The following ZFHX3 variants were observed in gnomAD, a reference collection of about 807,000 sequenced individuals.
ZFHX3 encodes zinc finger homeobox protein 3.
In ZFHX3, 42 loss-of-function variants were observed where a neutral mutation model predicts 279.1. The ratio of observed to expected loss-of-function variants is 0.15; its 90% CI spans 0.12 to 0.19. The LOEUF (loss-of-function observed/expected upper bound fraction) is 0.19, where lower values mean the gene tolerates loss of function less well. Among genes scored for constraint, ZFHX3 ranks in the 10% least tolerant of loss-of-function variants. The pLI, the probability that ZFHX3 is intolerant of heterozygous loss-of-function variation, is 1.00. For missense variants in ZFHX3, 4,981 were observed against 4,754.0 expected, an observed-to-expected ratio of 1.05 and a Z score of -1.40; for synonymous variants, 2,293 against 1,957.8, an observed-to-expected ratio of 1.17 and a Z score of -4.52.
intron 2 of ZFHX3, among the ~76,000 whole-genome samples, chr16:73,660,561 T>G (rs976904640): frequency 2.0e-5 from 3 of 152,232 alleles, no homozygotes; most frequent in Non-Finnish European, 4.4e-5. Context: ...CATTAAAGAT[T>G]TTTTTAAAAG....
chr16:73,384,551 C>A (rs2016866970), intron 3 of ZFHX3, among the ~76,000 whole-genome samples: 1 of 152,210 alleles, frequency 6.6e-6, no homozygotes, highest in Non-Finnish European at 1.5e-5. Flanking sequence ...AAGTACCAAT[C>A]CTGTACACAG....
intron 5 of ZFHX3, among the ~76,000 whole-genome samples, chr16:72,827,519 A>G (rs1280978918): frequency 6.6e-6 from 1 of 152,302 alleles, no homozygotes; most frequent in Non-Finnish European, 1.5e-5. Context: ...CAAAGGACAG[A>G]TGGCTCAGAA....
chr16:73,418,589 C>T (rs1489377786), intron 3 of ZFHX3, among the ~76,000 whole-genome samples: 3 of 152,250 alleles, frequency 2.0e-5, no homozygotes, highest in Non-Finnish European at 4.4e-5. Flanking sequence ...TGTCAGAATC[C>T]CACAGACAAC....
intron 4 of ZFHX3, among the ~76,000 whole-genome samples, chr16:72,847,452 C>A (rs1258346768): frequency 6.6e-6 from 1 of 152,086 alleles, no homozygotes; most frequent in Non-Finnish European, 1.5e-5. Context: ...TAGGACCAGC[C>A]ATCTCTTGGT....
chr16:73,327,563 C>T (rs1487671485), intron 3 of ZFHX3, among the ~76,000 whole-genome samples: 1 of 152,206 alleles, frequency 6.6e-6, no homozygotes, highest in Non-Finnish European at 1.5e-5. Flanking sequence ...AAAGGTGGCA[C>T]CTGGCAGATG....
intron 3 of ZFHX3, among the ~76,000 whole-genome samples, chr16:73,395,836 A>G (rs559020957): frequency 6.6e-6 from 1 of 152,216 alleles, no homozygotes; most frequent in African/African-American, 2.4e-5. Context: ...AATAGACCCT[A>G]ATTACTTACC....
chr16:73,016,602 C>G (rs1334170243), intron 1 of ZFHX3, among the ~76,000 whole-genome samples: 2 of 152,102 alleles, frequency 1.3e-5, no homozygotes, highest in African/African-American at 4.8e-5. Flanking sequence ...AATAAACCAA[C>G]CCCAGAAATA....
chr16:73,427,262 T>G (rs2017825964), intron 3 of ZFHX3, among the ~76,000 whole-genome samples: 1 of 152,130 alleles, frequency 6.6e-6, no homozygotes, highest in Non-Finnish European at 1.5e-5. Flanking sequence ...CTACCTATCA[T>G]TTGTGAGTGG....
At chr16:73,724,294 T>C (rs1397358005) in intron 1 of ZFHX3, among the ~76,000 whole-genome samples, 1 of 152,256 alleles carries the variant, frequency 6.6e-6, no homozygotes, top group Non-Finnish European at 1.5e-5. Flanking sequence ...TGGAGACTAC[T>C]AATGAATACA....
chr16:73,565,243 G>A (rs1393107959), intron 2 of ZFHX3, among the ~76,000 whole-genome samples: 10 of 150,138 alleles, frequency 6.7e-5, no homozygotes, highest in African/African-American at 2.5e-4. Context: ...AACAGAGCCA[G>A]ACCCCATCTC....
At chr16:73,689,675 G>A (rs1435248259) in intron 1 of ZFHX3, among the ~76,000 whole-genome samples, 1 of 152,156 alleles carries the variant, frequency 6.6e-6, no homozygotes, top group African/African-American at 2.4e-5. Context: ...GCAGTTCTAT[G>A]TTACAAGTCA....
At chr16:73,353,660 G>A (rs1233839191) in intron 3 of ZFHX3, among the ~76,000 whole-genome samples, 1 of 152,164 alleles carries the variant, frequency 6.6e-6, no homozygotes, top group African/African-American at 2.4e-5. Flanking sequence ...AGAGAGGAAA[G>A]TAGATGGAGA....
rs146477057 is a variant in ZFHX3, at chr16:73,610,269, T to C, written c.-1547+69911A>G. Among the ~76,000 whole-genome samples the C allele has an allele frequency of 5.8e-4, 89 of 152,310 alleles. 5 individuals are homozygous for C. The East Asian group carries it at 0.011, about 18-fold the overall frequency. ...AGCGGCCGGGCCTGATGGATTTATTTTCACTCCAGAATGAAAATCTGACGC... is the reference window on the plus strand; with the variant it reads ...AGCGGCCGGGCCTGATGGATTTATTCTCACTCCAGAATGAAAATCTGACGC... On this transcript the variant is annotated intron_variant, in intron 2 of 17. Transcript: ENST00000641206.
chr16:73,679,363 G>C (rs2142193248), intron 2 of ZFHX3: 1 of 152,254 alleles, frequency 6.6e-6, no homozygotes, highest in South Asian at 2.1e-4. Context: ...CAGTGAGAAA[G>C]ATGTTTTTGC....
chr16:73,190,365 T>G (rs1177259944), intron 5 of ZFHX3, among the ~76,000 whole-genome samples: 1 of 152,078 alleles, frequency 6.6e-6, no homozygotes, highest in Non-Finnish European at 1.5e-5. Flanking sequence ...CACAGCTAAG[T>G]TTAGAGAGAA....
At chr16:73,160,793 G>A (rs368743419) in intron 5 of ZFHX3, among the ~76,000 whole-genome samples, 1 of 122,342 alleles carries the variant, frequency 8.2e-6, no homozygotes, top group South Asian at 2.6e-4. Flanking sequence ...TTTTTTTTTA[G>A]ACAGGATTTA....
intron 1 of ZFHX3, among the ~76,000 whole-genome samples, chr16:73,764,505 T>C (rs1022736465): frequency 1.3e-5 from 2 of 152,132 alleles, no homozygotes; most frequent in African/African-American, 4.8e-5. Flanking sequence ...AGTGATCTTA[T>C]TGCAGATGTA....
intron 7 of ZFHX3, among the ~76,000 whole-genome samples, chr16:73,106,776 T>C (rs1966310492): frequency 6.6e-6 from 1 of 152,154 alleles, no homozygotes; most frequent in Admixed American, 6.5e-5. Context: ...AACTATCAAT[T>C]GACAATAATG....
chr16:72,870,337 A>T (rs1292742680), intron 4 of ZFHX3, among the ~76,000 whole-genome samples: 1 of 151,940 alleles, frequency 6.6e-6, no homozygotes, highest in Admixed American at 6.6e-5. Flanking sequence ...GGTTGCAGTG[A>T]GCCAAGATCT....
Sources: allele counts gnomAD v4.1 joint callset (sites outside exome capture counted in the v4.1 genomes callset), GRCh38; gene constraint gnomAD v4.1.1; transcripts MANE v1.5; gene names NCBI Gene and HGNC (gene_info 2026-07-23, HGNC 2026-07-21).